ASB9: variants seen among roughly 807,000 people sequenced by gnomAD.
ASB9 encodes the protein ankyrin repeat and SOCS box containing 9.
A neutral mutation model predicts 16.6 loss-of-function variants in ASB9; 5 were observed. The ratio of observed to expected loss-of-function variants is 0.30; its 90% confidence interval spans 0.16 to 0.63. The LOEUF (loss-of-function observed/expected upper bound fraction) is 0.63. Ranked by LOEUF, ASB9 falls within the 30% of genes least tolerant of loss-of-function variation. ASB9 has a pLI of 0.82. For synonymous variants in ASB9, 100 were observed against 86.4 expected (o/e 1.16, Z -0.87); for missense variants, 216 against 229.4 (o/e 0.94, Z 0.38).
intron 6 of ASB9, among the ~76,000 whole-genome samples, chrX:15,247,468 A>C (rs924487367): frequency 8.9e-6 from 1 of 112,107 alleles, no homozygotes. Flanking sequence ...TACATCCTAC[A>C]TTAACGTATG....
intron 1 of ASB9, among the ~76,000 whole-genome samples, chrX:15,267,564 G>T (rs1169608600): frequency 9.4e-4 from 84 of 88,935 alleles, no homozygotes; most frequent in African/African-American, 3.1e-3. Context: ...CTAACATGGT[G>T]AAACCCCGTC....
chrX:15,257,675 C>G (rs1157394602), intron 2 of ASB9, among the ~76,000 whole-genome samples: 1 of 111,282 alleles, frequency 9.0e-6, no homozygotes, highest in African/African-American at 3.3e-5. Flanking sequence ...GGTAATTAAC[C>G]CATTACTTCA....
intron 5 of ASB9, 52 bp from the exon 6 acceptor site, chrX:15,248,987 T>G (rs1294818534): frequency 9.4e-7 from 1 of 1,059,430 alleles, no homozygotes; most frequent in Non-Finnish European, 1.2e-6. Flanking sequence ...AATCCAACCA[T>G]CGGGGCTTTT....
chrX:15,250,303 T>C (rs1924999764), intron 5 of ASB9, 127 bp downstream of exon 5: 3 of 743,335 alleles, frequency 4.0e-6, no homozygotes, highest in Non-Finnish European at 5.8e-6. Flanking sequence ...ACACAGTCAA[T>C]ATGAACCCTG....
intron 2 of ASB9, among the ~76,000 whole-genome samples, chrX:15,258,450 G>C (rs1017130737): frequency 8.9e-6 from 1 of 111,806 alleles, no homozygotes; most frequent in African/African-American, 3.3e-5. Context: ...TAAGATAGTG[G>C]CTTAGGATAG....
chrX:15,253,069 A>G (rs1242874734), intron 3 of ASB9, among the ~76,000 whole-genome samples: 2 of 109,302 alleles, frequency 1.8e-5, no homozygotes, highest in South Asian at 8.0e-4. Flanking sequence ...CCCGGTCTCT[A>G]CTAAGATACA....
chrX:15,267,866 C>T (rs1199170594), intron 1 of ASB9, among the ~76,000 whole-genome samples: 1 of 110,602 alleles, frequency 9.0e-6, no homozygotes, highest in Non-Finnish European at 1.9e-5. Flanking sequence ...TCCAGTTCTG[C>T]CTTTGTGGAT....
chrX:15,249,010 C>T (rs1334968820), intron 5 of ASB9, 75 bp from the exon 6 acceptor site: 2 of 1,022,680 alleles, frequency 2.0e-6, no homozygotes, highest in East Asian at 3.3e-5. Flanking sequence ...AAGCCCCGAG[C>T]CCCAAAATTT....
intron 1 of ASB9, among the ~76,000 whole-genome samples, chrX:15,265,793 C>G (rs1177545779): frequency 9.3e-6 from 1 of 107,979 alleles, no homozygotes; most frequent in Non-Finnish European, 1.9e-5. Context: ...TGTGCCAACA[C>G]ACCCAGCTAA....
intron 1 of ASB9, 33 bp downstream of exon 1, chrX:15,269,748 C>A: frequency 8.6e-7 from 1 of 1,164,008 alleles, no homozygotes; most frequent in Non-Finnish European, 1.2e-6. Flanking sequence ...AGCCAACCTC[C>A]CCAGGGCTGA....
At chrX:15,254,912 A>C in intron 2 of ASB9, 68 bp from the exon 3 acceptor site, 1 of 870,694 alleles carries the variant, frequency 1.1e-6, no homozygotes, top group Non-Finnish European at 1.7e-6. Flanking sequence ...CTTTTCAGCC[A>C]CCATTCCAGT....
intron 2 of ASB9, among the ~76,000 whole-genome samples, chrX:15,257,678 T>C (rs1925687239): frequency 9.0e-6 from 1 of 111,706 alleles, no homozygotes; most frequent in African/African-American, 3.3e-5. Flanking sequence ...AATTAACCCA[T>C]TACTTCACAG....
At chrX:15,252,804 T>A (rs925878341) in intron 3 of ASB9, among the ~76,000 whole-genome samples, 3 of 112,575 alleles carry the variant, frequency 2.7e-5, no homozygotes, top group African/African-American at 9.7e-5. Context: ...GCTGTGTAAT[T>A]TAGTATATTC....
At position 15,250,425 on chromosome X, in the gene ASB9, T is replaced by A; in HGVS notation, c.568+5A>T. 1 of 1,202,063 alleles carries A rather than the reference T, an allele frequency of 8.3e-7. No individual in the cohort carries two copies. Among genetic ancestry groups the A allele is most frequent in the Non-Finnish European group, 1.1e-6 (1 of 892,274 alleles). On this transcript the variant is annotated splice_donor_5th_base_variant and intron_variant, in intron 5 of 6. Coordinates refer to ENST00000380488, the MANE Select transcript of ASB9 (RefSeq NM_001031739.3). Reference sequence around the variant, plus strand: ...TTTCTTGTTTTGGTTTGCTTTTTGCTTTACCTGACTCCAGAAGCTTCTTGA... The same window carrying A: ...TTTCTTGTTTTGGTTTGCTTTTTGCATTACCTGACTCCAGAAGCTTCTTGA...
At chrX:15,263,819 G>A (rs184147554) in intron 1 of ASB9, among the ~76,000 whole-genome samples, 1 of 111,784 alleles carries the variant, frequency 8.9e-6, no homozygotes, top group African/African-American at 3.2e-5. Context: ...GCTCAATTTT[G>A]CAAGGATAGA....
At chrX:15,267,408 T>TAA (rs1303483090) in intron 1 of ASB9, among the ~76,000 whole-genome samples, 34 of 50,117 alleles carry the variant, frequency 6.8e-4, no homozygotes, top group East Asian at 2.1e-3. Flanking sequence ...AGACTCCATC[T>TAA]AAAAAAAAAA....
rs764182166 is a variant in ASB9, at chrX:15,247,014, C to T, written c.760+1730G>A. On this transcript the variant is annotated intron_variant, in intron 6 of 6. Coordinates refer to ENST00000380488, the MANE Select transcript of ASB9 (RefSeq NM_001031739.3). ...CAATTCAGAACATGGTTGGGTTTTA[C>T]CAACATTCTCCTGTTGCCATACCAT... is the stretch of plus-strand genomic sequence containing the variant. 2.7e-5 allele frequency among the ~76,000 whole-genome samples: 3 copies of T among 111,710 alleles called. No individual in the cohort carries two copies. The East Asian group carries it at 8.4e-4, about 31-fold the overall frequency.
chrX:15,256,931 A>G (rs1396521506), intron 2 of ASB9, among the ~76,000 whole-genome samples: 1 of 111,229 alleles, frequency 9.0e-6, no homozygotes, highest in African/African-American at 3.3e-5. Flanking sequence ...CATCACACTT[A>G]TAGAAAGTAG....
intron 6 of ASB9, among the ~76,000 whole-genome samples, chrX:15,245,613 G>A (rs975514255): frequency 4.5e-5 from 5 of 111,425 alleles, no homozygotes; most frequent in African/African-American, 1.6e-4. Flanking sequence ...ACTCACCTGG[G>A]GTGGGGGTAC....
Sources: gnomAD v4.1 joint callset for allele counts (sites outside exome capture counted in the v4.1 genomes callset) on GRCh38, gnomAD v4.1.1 for gene constraint, MANE v1.5 for transcripts, NCBI Gene and HGNC (gene_info 2026-07-23, HGNC 2026-07-21) for gene names.